The following C1QTNF3 variants were observed in gnomAD, a reference collection of about 807,000 sequenced individuals.
C1QTNF3 encodes the protein complement C1q tumor necrosis factor-related protein 3.
A neutral mutation model predicts 32.6 loss-of-function variants in C1QTNF3; 26 were observed. The ratio of observed to expected loss-of-function variants is 0.80; its 90% CI spans 0.58 to 1.11. The LOEUF is 1.11. Ranked by LOEUF, C1QTNF3 falls within the 50% of genes least tolerant of loss-of-function variation. The pLI, the probability that C1QTNF3 is intolerant of heterozygous loss-of-function variation, is 0.00. For missense variants in C1QTNF3, 362 were observed against 398.2 expected (o/e 0.91, Z 0.77); for synonymous variants, 155 against 146.0 (o/e 1.06, Z -0.44).
At chr5:34,119,177 AAAC>A in the C1QTNF3 span, among the ~76,000 whole-genome samples, 3 of 152,258 alleles carry the variant, frequency 2.0e-5, no homozygotes, top group East Asian at 3.8e-4. Context: ...TCTTTTAAAA[AAAC>A]AACAATTCAA....
chr5:34,214,262 G>A, the C1QTNF3 span, among the ~76,000 whole-genome samples: 4 of 152,072 alleles, frequency 2.6e-5, no homozygotes, highest in African/African-American at 9.6e-5. Flanking sequence ...ATTAAGAATT[G>A]TATTAAAATA....
intron 1 of C1QTNF3, among the ~76,000 whole-genome samples, chr5:34,042,477 A>C (rs1449596823): frequency 6.6e-6 from 1 of 152,178 alleles, no homozygotes; most frequent in East Asian, 1.9e-4. Context: ...ACAGTGACCG[A>C]TCTGTCTGCA....
chr5:34,023,985 T>G lies in C1QTNF3; in HGVS notation c.724A>C (p.Met242Leu). The G allele has an allele frequency of 6.2e-7, 1 of 1,614,150 alleles. No homozygotes were observed. Among genetic ancestry groups the G allele is most frequent in the Non-Finnish European group, 8.5e-7 (1 of 1,180,000 alleles). Residue 242 changes from methionine (M) to leucine (L), a missense_variant, in exon 5 of 6, where the codon ATG (methionine) becomes CTG (leucine). Transcript: ENST00000382065. ...TCCTCAACATCCTCATGCTTCATCATGCTGAAGGTGAAGAAATACACACCT... is the reference window on the plus strand; with the variant it reads ...TCCTCAACATCCTCATGCTTCATCAGGCTGAAGGTGAAGAAATACACACCT... ...VSGVYFFTFS[M>L]MKHEDVEEVY...
the C1QTNF3 span, among the ~76,000 whole-genome samples, chr5:34,100,547 T>A: frequency 6.6e-6 from 1 of 151,736 alleles, no homozygotes; most frequent in African/African-American, 2.4e-5. Context: ...AATAACATAA[T>A]TTATTAATAT....
the C1QTNF3 span, chr5:34,168,568 A>T: frequency 6.6e-6 from 1 of 151,620 alleles, no homozygotes; most frequent in African/African-American, 2.4e-5. Flanking sequence ...GCCAATGGAG[A>T]GTTATCAAGC....
In C1QTNF3 at chr5:34,031,669, C is replaced by T. The variant is rs544333746; in HGVS notation, c.570+1635G>A. Among the ~76,000 whole-genome samples the T allele has an allele frequency of 3.3e-5, 5 of 152,170 alleles. No individual in the cohort carries two copies. The East Asian group carries it at 9.7e-4, about 29-fold the overall frequency. ...CCAACATAGAGAAATGCCGTCTCTACTAAAAATACAAAAAAATTAGCCGGG... is the reference window on the plus strand; with the variant it reads ...CCAACATAGAGAAATGCCGTCTCTATTAAAAATACAAAAAAATTAGCCGGG... On this transcript the variant is annotated intron_variant, in intron 3 of 5. Coordinates refer to ENST00000382065, the MANE Select transcript of C1QTNF3 (RefSeq NM_181435.6).
At chr5:34,095,223 C>T in the C1QTNF3 span, among the ~76,000 whole-genome samples, 437 of 152,082 alleles carry the variant, frequency 2.9e-3, 3 homozygotes, top group African/African-American at 0.01. Flanking sequence ...CTTTAACCAA[C>T]TTCTCTTCAT....
the C1QTNF3 span, chr5:34,165,188 G>A: frequency 2.6e-5 from 4 of 152,046 alleles, no homozygotes. Context: ...CAGGCCTTTG[G>A]CCTCTGACTG....
chr5:34,175,042 C>A, the C1QTNF3 span, among the ~76,000 whole-genome samples: 1 of 145,068 alleles, frequency 6.9e-6, no homozygotes, highest in East Asian at 2.1e-4. Flanking sequence ...CCACCGTGCC[C>A]AGCTCCTTTT....
At chr5:34,230,401 A>T in the C1QTNF3 span, among the ~76,000 whole-genome samples, 1 of 152,192 alleles carries the variant, frequency 6.6e-6, no homozygotes, top group South Asian at 2.1e-4. Context: ...GGAAAATAAT[A>T]CATTTGGCAA....
At chr5:34,035,855 T>C in intron 1 of C1QTNF3, 97 bp from the exon 2 acceptor site, 6 of 855,190 alleles carry the variant, frequency 7.0e-6, no homozygotes, top group Non-Finnish European at 1.1e-5. Flanking sequence ...GTAAGCTTAA[T>C]TCCAATCGAA....
At chr5:34,049,949 T>C in the C1QTNF3 span, among the ~76,000 whole-genome samples, 1 of 152,188 alleles carries the variant, frequency 6.6e-6, no homozygotes, top group Non-Finnish European at 1.5e-5. Flanking sequence ...CAGCAACATC[T>C]AGACTGGTGT....
chr5:34,079,338 A>G, the C1QTNF3 span, among the ~76,000 whole-genome samples: 2 of 151,582 alleles, frequency 1.3e-5, no homozygotes, highest in Non-Finnish European at 2.9e-5. Flanking sequence ...CATAAAAGTG[A>G]AGAGGGGGGA....
the C1QTNF3 span, among the ~76,000 whole-genome samples, chr5:34,226,767 T>A: frequency 6.6e-6 from 1 of 150,736 alleles, no homozygotes; most frequent in African/African-American, 2.4e-5. Context: ...GTATGCTGTA[T>A]GTATTTTACA....
the C1QTNF3 span, among the ~76,000 whole-genome samples, chr5:34,202,250 C>T: frequency 6.6e-6 from 1 of 151,784 alleles, no homozygotes; most frequent in Non-Finnish European, 1.5e-5. Context: ...CACACACCTT[C>T]CATGAAAGGT....
intron 3 of C1QTNF3, among the ~76,000 whole-genome samples, chr5:34,032,121 A>G (rs1017603911): frequency 6.6e-6 from 1 of 152,244 alleles, no homozygotes; most frequent in Non-Finnish European, 1.5e-5. Flanking sequence ...CTAGTCAGAA[A>G]GAAACTTAAT....
the C1QTNF3 span, chr5:34,168,695 C>T: frequency 6.6e-6 from 1 of 152,006 alleles, no homozygotes; most frequent in Non-Finnish European, 1.5e-5. Flanking sequence ...AAAGATGAAC[C>T]CCTGGAGCTG....
At chr5:34,135,579 AC>A in the C1QTNF3 span, among the ~76,000 whole-genome samples, 4 of 151,992 alleles carry the variant, frequency 2.6e-5, no homozygotes, top group Non-Finnish European at 5.9e-5. Context: ...AGCTCAAAAT[AC>A]CAATGACTTT....
the C1QTNF3 span, chr5:34,166,572 A>C: frequency 6.6e-6 from 1 of 152,190 alleles, no homozygotes; most frequent in Non-Finnish European, 1.5e-5. Context: ...GGAAGGTCTT[A>C]TAATAGCATA....
Sources: gnomAD v4.1 joint callset for allele counts (sites outside exome capture counted in the v4.1 genomes callset) on GRCh38, gnomAD v4.1.1 for gene constraint, MANE v1.5 for transcripts, NCBI Gene and HGNC (gene_info 2026-07-23, HGNC 2026-07-21) for gene names.